Variants in MACROD2 observed in about 807,000 individuals in gnomAD.
MACROD2 encodes mono-ADP ribosylhydrolase 2, also known as ADP-ribose glycohydrolase MACROD2.
A neutral mutation model predicts 70.4 loss-of-function variants in MACROD2; 36 were observed. The ratio of observed to expected loss-of-function variants is 0.51; its 90% confidence interval spans 0.39 to 0.68. The LOEUF is 0.68. Ranked by LOEUF, MACROD2 falls within the 30% of genes least tolerant of loss-of-function variation. MACROD2 has a pLI of 0.00. For synonymous variants in MACROD2, 172 were observed against 178.8 expected, an observed-to-expected ratio of 0.96 and a Z score of 0.30; for missense variants, 496 against 538.4, an observed-to-expected ratio of 0.92 and a Z score of 0.78.
At chr20:14,760,489 A>C (rs1402148239) in intron 5 of MACROD2, among the ~76,000 whole-genome samples, 1 of 152,072 alleles carries the variant, frequency 6.6e-6, no homozygotes, top group African/African-American at 2.4e-5. Flanking sequence ...GGAAGTTATT[A>C]ATACTCACTA....
chr20:15,364,955 G>T (rs1379725541), intron 6 of MACROD2, among the ~76,000 whole-genome samples: 3 of 152,226 alleles, frequency 2.0e-5, no homozygotes, highest in Non-Finnish European at 2.9e-5. Flanking sequence ...AGTCATGAGA[G>T]AAAAGTTCAA....
chr20:14,911,126 G>C (rs563507035), intron 5 of MACROD2, among the ~76,000 whole-genome samples: 2 of 152,218 alleles, frequency 1.3e-5, no homozygotes, highest in Admixed American at 6.5e-5. Flanking sequence ...GAGGTCTTCA[G>C]ATCATCTGCA....
At chr20:14,932,946 G>T (rs1408120904) in intron 5 of MACROD2, among the ~76,000 whole-genome samples, 4 of 152,086 alleles carry the variant, frequency 2.6e-5, no homozygotes, top group Non-Finnish European at 5.9e-5. Context: ...CTAATTTCTG[G>T]CAACATTGTA....
intron 5 of MACROD2, among the ~76,000 whole-genome samples, chr20:15,036,727 T>G (rs2075316055): frequency 6.6e-6 from 1 of 152,094 alleles, no homozygotes; most frequent in Non-Finnish European, 1.5e-5. Context: ...CCCAAAGTTG[T>G]GTCTTTAGAA....
At chr20:14,677,381 A>G (rs947053443) in intron 4 of MACROD2, among the ~76,000 whole-genome samples, 8 of 152,206 alleles carry the variant, frequency 5.3e-5, no homozygotes, top group Admixed American at 1.3e-4. Flanking sequence ...CCGCTCTCAG[A>G]CAGTGGAATT....
intron 5 of MACROD2, among the ~76,000 whole-genome samples, chr20:14,928,062 A>C (rs2074254672): frequency 6.6e-6 from 1 of 152,220 alleles, no homozygotes; most frequent in Non-Finnish European, 1.5e-5. Context: ...GCAAAAGAAA[A>C]ACTGGATTTT....
At chr20:15,697,112 C>T (rs1204376218) in intron 8 of MACROD2, among the ~76,000 whole-genome samples, 3 of 151,870 alleles carry the variant, frequency 2.0e-5, no homozygotes, top group Non-Finnish European at 2.9e-5. Context: ...TTGGTTTGTT[C>T]TAGTTTCTCT....
chr20:15,303,934 A>C (rs1250321250), intron 6 of MACROD2, among the ~76,000 whole-genome samples: 3 of 152,190 alleles, frequency 2.0e-5, no homozygotes, highest in Non-Finnish European at 2.9e-5. Flanking sequence ...TTACTCACCT[A>C]GAATGAATCA....
In MACROD2 at chr20:15,424,285, G is replaced by A. The variant is rs898512877; in HGVS notation, c.541-7120G>A. Reference sequence around the variant, plus strand: ...TAAATATCACATTTAAATGGGTAATGTCCATCTGTTTACCACCTCAAAATA... The same window carrying A: ...TAAATATCACATTTAAATGGGTAATATCCATCTGTTTACCACCTCAAAATA... On this transcript the variant is annotated intron_variant, in intron 6 of 17. Transcript: ENST00000684519. 2.0e-5 allele frequency among the ~76,000 whole-genome samples: 3 copies of A among 152,328 alleles called. No individual in the cohort carries two copies. In the East Asian group the frequency reaches 5.8e-4, roughly 29 times the overall value.
intron 8 of MACROD2, among the ~76,000 whole-genome samples, chr20:15,858,749 C>T (rs2064386538): frequency 6.6e-6 from 1 of 152,130 alleles, no homozygotes; most frequent in African/African-American, 2.4e-5. Context: ...TCTCTGCTTC[C>T]TCATGGCATG....
chr20:14,296,860 T>G (rs1262620175), intron 3 of MACROD2, among the ~76,000 whole-genome samples: 1 of 151,944 alleles, frequency 6.6e-6, no homozygotes, highest in Non-Finnish European at 1.5e-5. Flanking sequence ...TTATTATACT[T>G]CACAGTTACT....
intron 7 of MACROD2, among the ~76,000 whole-genome samples, chr20:15,469,945 C>T (rs2146432278): frequency 6.6e-6 from 1 of 152,204 alleles, no homozygotes; most frequent in African/African-American, 2.4e-5. Context: ...TAGGCCTCAC[C>T]AAAAAATTAG....
At position 14,190,731 on chromosome 20, in the gene MACROD2, A is replaced by G. The variant is rs1219152715; in HGVS notation, c.271+105003A>G. Among the ~76,000 whole-genome samples the G allele has an allele frequency of 2.2e-3, 95 of 42,392 alleles. 1 individual carries two copies. The highest frequency in any genetic ancestry group is 0.01 in the Admixed American group (27 of 2,588). The allele number at this position is 42,392 out of a possible 152,430, so 27.8% of individuals were successfully genotyped here. On this transcript the variant is annotated intron_variant, in intron 3 of 17. Transcript: ENST00000684519. ...TTTTTTTTTTTTTTTTTTTTTTTCCAGAGTCTTGTTCTGTCACCCAGGCTG... is the reference window on the plus strand; with the variant it reads ...TTTTTTTTTTTTTTTTTTTTTTTCCGGAGTCTTGTTCTGTCACCCAGGCTG...
At chr20:15,760,149 G>A (rs1446914742) in intron 8 of MACROD2, among the ~76,000 whole-genome samples, 2 of 152,034 alleles carry the variant, frequency 1.3e-5, no homozygotes, top group East Asian at 3.9e-4. Flanking sequence ...AGGACCTCAG[G>A]GTCATATCTG....
chr20:15,410,367 C>T (rs997262905), intron 6 of MACROD2, among the ~76,000 whole-genome samples: 6 of 152,028 alleles, frequency 3.9e-5, no homozygotes, highest in Non-Finnish European at 8.8e-5. Flanking sequence ...TTTAAAAAAC[C>T]AATCATGTCT....
intron 5 of MACROD2, among the ~76,000 whole-genome samples, chr20:14,941,283 A>G (rs1005554145): frequency 3.3e-5 from 5 of 151,842 alleles, no homozygotes; most frequent in African/African-American, 1.2e-4. Flanking sequence ...CTTAGTACAG[A>G]GCAGAGTTTC....
chr20:15,587,674 C>T (rs2048621428), intron 8 of MACROD2, among the ~76,000 whole-genome samples: 1 of 152,158 alleles, frequency 6.6e-6, no homozygotes. Flanking sequence ...ATACAGGGCC[C>T]ATGCAAGTCT....
intron 3 of MACROD2, among the ~76,000 whole-genome samples, chr20:14,140,767 A>G (rs1382379494): frequency 6.6e-6 from 1 of 152,076 alleles, no homozygotes; most frequent in Non-Finnish European, 1.5e-5. Flanking sequence ...CTAAGGGAAA[A>G]TGCACCTGCC....
At chr20:14,273,142 A>C (rs1466177331) in intron 3 of MACROD2, among the ~76,000 whole-genome samples, 1 of 152,184 alleles carries the variant, frequency 6.6e-6, no homozygotes, top group African/African-American at 2.4e-5. Context: ...CACCAAGCGG[A>C]TCTAATAGAC....
Sources: gnomAD v4.1 joint callset for allele counts (sites outside exome capture counted in the v4.1 genomes callset) on GRCh38, gnomAD v4.1.1 for gene constraint, MANE v1.5 for transcripts, NCBI Gene and HGNC (gene_info 2026-07-23, HGNC 2026-07-21) for gene names.